The following LUZP2 variants were observed in gnomAD, a reference collection of about 807,000 sequenced individuals.
The protein encoded by LUZP2 is leucine zipper protein 2.
In LUZP2, 52 loss-of-function variants were observed where a neutral mutation model predicts 51.6. The observed-to-expected ratio is 1.01, with a 90% CI of 0.81 to 1.27. The LOEUF (loss-of-function observed/expected upper bound fraction) is 1.27, where lower values mean the gene tolerates loss of function less well. LUZP2 is among the 50% of genes most tolerant of loss of function. LUZP2 has a pLI of 0.00. For synonymous variants in LUZP2, 154 were observed against 137.3 expected (o/e 1.12, Z -0.85); for missense variants, 436 against 395.4 (o/e 1.10, Z -0.87).
intron 5 of LUZP2, among the ~76,000 whole-genome samples, chr11:24,871,404 C>G (rs151336259): frequency 1.3e-5 from 2 of 151,972 alleles, no homozygotes; most frequent in African/African-American, 4.8e-5. Flanking sequence ...TCTCTCCTAC[C>G]AACTTGCTAC....
At chr11:24,886,671 C>T (rs562923913) in intron 5 of LUZP2, among the ~76,000 whole-genome samples, 10 of 152,244 alleles carry the variant, frequency 6.6e-5, no homozygotes, top group African/African-American at 2.2e-4. Flanking sequence ...AGAAAGTATA[C>T]GTAATTCTGG....
chr11:24,924,218 C>G (rs1854161174), intron 7 of LUZP2, among the ~76,000 whole-genome samples: 1 of 152,066 alleles, frequency 6.6e-6, no homozygotes, highest in South Asian at 2.1e-4. Flanking sequence ...GCTGGGACTA[C>G]AGGCACGTGC....
rs535443940 is a variant in LUZP2 at position 24,661,633 on chromosome 11, T to A, written c.63-67536T>A. On this transcript the variant is annotated intron_variant, in intron 1 of 11. Coordinates refer to ENST00000336930, the MANE Select transcript of LUZP2 (RefSeq NM_001009909.4). ...GACCACTGAGCTCAGTTTTTCTTTG[T>A]ATTGAAATCCAATGTATTCTAGATA... 3.9e-5 allele frequency among the ~76,000 whole-genome samples: 6 copies of A among 152,330 alleles called. No homozygotes were observed. In the South Asian group the frequency reaches 1.2e-3, roughly 32 times the overall value.
chr11:24,602,170 A>ATATATG (rs1188207572), intron 1 of LUZP2, among the ~76,000 whole-genome samples: 4 of 132,106 alleles, frequency 3.0e-5, no homozygotes, highest in African/African-American at 5.7e-5. Flanking sequence ...ATATATGTGT[A>ATATATG]TATATATGTG....
At chr11:24,769,888 G>A (rs181650423) in intron 5 of LUZP2, among the ~76,000 whole-genome samples, 1 of 151,958 alleles carries the variant, frequency 6.6e-6, no homozygotes, top group African/African-American at 2.4e-5. Flanking sequence ...CGCCTCCCGG[G>A]TTCAAGCAAT....
chr11:24,967,498 G>A (rs1025966784), intron 7 of LUZP2, among the ~76,000 whole-genome samples: 1 of 150,640 alleles, frequency 6.6e-6, no homozygotes, highest in African/African-American at 2.4e-5. Context: ...TTTCTTTCTA[G>A]TATTCCAGTG....
At chr11:24,899,661 A>G (rs916722436) in intron 5 of LUZP2, among the ~76,000 whole-genome samples, 1 of 152,148 alleles carries the variant, frequency 6.6e-6, no homozygotes, top group African/African-American at 2.4e-5. Context: ...GTCTCACATC[A>G]GATAAATTAG....
At chr11:24,671,965 A>C (rs750789038) in intron 1 of LUZP2, among the ~76,000 whole-genome samples, 1 of 152,128 alleles carries the variant, frequency 6.6e-6, no homozygotes, top group Non-Finnish European at 1.5e-5. Context: ...TCAATTTGCC[A>C]TGCATAGAGC....
chr11:24,729,174 A>G lies in LUZP2; in HGVS notation c.68A>G (p.Asp23Gly). The G allele has an allele frequency of 1.3e-6, 2 of 1,560,794 alleles. No homozygotes were observed. Among genetic ancestry groups the G allele is most frequent in the South Asian group, 2.3e-5 (2 of 85,234 alleles). Residue 23 changes from aspartate (D) to glycine (G), a missense_variant, in exon 2 of 12, where the codon GAC becomes GGC. Coordinates refer to ENST00000336930, the MANE Select transcript of LUZP2 (RefSeq NM_001009909.4). ...LPALVLSTRQDYEELEKQLKE... is the reference protein window; with the variant it reads ...LPALVLSTRQGYEELEKQLKE... Reference sequence around the variant, plus strand: ...GCCTGTTCTTTCTGTGTTAGACAGGACTATGAAGAGCTAGAAAAGCAGCTG... The same window carrying G: ...GCCTGTTCTTTCTGTGTTAGACAGGGCTATGAAGAGCTAGAAAAGCAGCTG...
At chr11:24,599,690 A>C (rs1485048422) in intron 1 of LUZP2, among the ~76,000 whole-genome samples, 1 of 152,138 alleles carries the variant, frequency 6.6e-6, no homozygotes, top group Non-Finnish European at 1.5e-5. Flanking sequence ...CATATTTCAC[A>C]GTTTTTTTCT....
rs560607966 is a variant in LUZP2, at chr11:24,935,870, C to T, written c.522+21332C>T. ...AATTTTTAAAAGAGCCTTTTTATAT[C>T]TTTTATCCTAATGGTGATGCCAATA... On this transcript the variant is annotated intron_variant, in intron 7 of 11. Transcript: ENST00000336930. Among the ~76,000 whole-genome samples the T allele has an allele frequency of 1.6e-4, 24 of 152,038 alleles. No individual in the cohort carries two copies. In the South Asian group the frequency reaches 5.0e-3, roughly 32 times the overall value.
chr11:25,077,455 C>T (rs201299845), intron 11 of LUZP2, 49 bp downstream of exon 11: 1 of 854,014 alleles, frequency 1.2e-6, no homozygotes, highest in Admixed American at 2.8e-5. Flanking sequence ...TTATTGGATC[C>T]ATTGTATTTA....
chr11:24,639,150 C>T (rs928582727), intron 1 of LUZP2, among the ~76,000 whole-genome samples: 6 of 151,596 alleles, frequency 4.0e-5, no homozygotes, highest in African/African-American at 1.5e-4. Context: ...TCACTAGTTG[C>T]TTATTTTAGT....
intron 5 of LUZP2, among the ~76,000 whole-genome samples, chr11:24,800,768 A>G (rs1181003224): frequency 6.6e-6 from 1 of 152,164 alleles, no homozygotes; most frequent in Non-Finnish European, 1.5e-5. Flanking sequence ...TTGAAAGTTA[A>G]GAAAACATAA....
intron 5 of LUZP2, among the ~76,000 whole-genome samples, chr11:24,817,683 A>AT (rs1564933650): frequency 6.6e-6 from 1 of 152,022 alleles, no homozygotes; most frequent in Non-Finnish European, 1.5e-5. Context: ...AGGGATTGGT[A>AT]TTTTTTTCTA....
chr11:24,602,356 CTT>C (rs546084131), intron 1 of LUZP2, among the ~76,000 whole-genome samples: 2,348 of 79,538 alleles, frequency 0.03, 86 homozygotes, highest in African/African-American at 0.1. Flanking sequence ...GTATAAATCT[CTT>C]TTAAAGTGTG....
chr11:24,678,356 A>G (rs1409998795), intron 1 of LUZP2, among the ~76,000 whole-genome samples: 1 of 152,084 alleles, frequency 6.6e-6, no homozygotes, highest in Non-Finnish European at 1.5e-5. Flanking sequence ...TTCAATCCAA[A>G]CCTTTCTGCT....
chr11:24,958,952 C>A (rs1275881665), intron 7 of LUZP2, among the ~76,000 whole-genome samples: 1 of 152,116 alleles, frequency 6.6e-6, no homozygotes, highest in Non-Finnish European at 1.5e-5. Context: ...GGAAGGGATC[C>A]AGTTTCAGCT....
chr11:24,687,374 T>C (rs1272576088), intron 1 of LUZP2, among the ~76,000 whole-genome samples: 4 of 152,132 alleles, frequency 2.6e-5, no homozygotes, highest in Admixed American at 6.5e-5. Context: ...AAACAAAGTA[T>C]GAGGTAGAAT....
Sources: gnomAD v4.1 joint callset for allele counts (sites outside exome capture counted in the v4.1 genomes callset) on GRCh38, gnomAD v4.1.1 for gene constraint, MANE v1.5 for transcripts, NCBI Gene and HGNC (gene_info 2026-07-23, HGNC 2026-07-21) for gene names.